SORCS2: variants seen among roughly 807,000 people sequenced by gnomAD.
The protein encoded by SORCS2 is sortilin related VPS10 domain containing receptor 2.
A neutral mutation model predicts 141.6 loss-of-function variants in SORCS2; 100 were observed. The ratio of observed to expected loss-of-function variants is 0.71; its 90% CI spans 0.60 to 0.83. The LOEUF (loss-of-function observed/expected upper bound fraction) is 0.83, where lower values mean the gene tolerates loss of function less well. Ranked by LOEUF, SORCS2 falls within the 40% of genes least tolerant of loss-of-function variation. SORCS2 has a pLI of 0.00. For missense variants in SORCS2, 1,646 were observed against 1,560.2 expected (o/e 1.05, Z -0.93); for synonymous variants, 789 against 676.9 (o/e 1.17, Z -2.57).
intron 3 of SORCS2, among the ~76,000 whole-genome samples, chr4:7,585,514 C>T (rs1052714561): frequency 3.9e-5 from 6 of 152,230 alleles, no homozygotes; most frequent in African/African-American, 1.4e-4. Context: ...GCTGAAACTG[C>T]AGAACAAATC....
intron 3 of SORCS2, among the ~76,000 whole-genome samples, chr4:7,549,332 G>T (rs547028920): frequency 1.3e-5 from 2 of 152,202 alleles, no homozygotes; most frequent in South Asian, 4.1e-4. Context: ...CTCCCAGCCT[G>T]CCTTTTCAAC....
At chr4:7,524,858 G>A (rs1305763477) in intron 2 of SORCS2, among the ~76,000 whole-genome samples, 1 of 152,008 alleles carries the variant, frequency 6.6e-6, no homozygotes, top group Non-Finnish European at 1.5e-5. Context: ...ACTCTTCCAA[G>A]AGTCCAAGCT....
intron 3 of SORCS2, among the ~76,000 whole-genome samples, chr4:7,557,310 T>C (rs566039061): frequency 8.8e-4 from 134 of 152,090 alleles, no homozygotes; most frequent in African/African-American, 3.0e-3. Flanking sequence ...CACGGGCAGA[T>C]TGGGGAGAGT....
chr4:7,487,665 G>A (rs1731074756), intron 2 of SORCS2, among the ~76,000 whole-genome samples: 2 of 152,212 alleles, frequency 1.3e-5, no homozygotes, highest in Non-Finnish European at 1.5e-5. Flanking sequence ...CTCACGTAGC[G>A]GTGATAGACG....
Position 7,447,286 on chromosome 4 carries a change from C to T in SORCS2, c.548+50931C>T, listed in dbSNP as rs73086376. The stretch of plus-strand genomic sequence containing the variant: ...GAGTGGATCATGTCATCCTGAGCAT[C>T]CCCTGCCTGTGTGAGCTGACTTCTG... On this transcript the variant is annotated intron_variant, in intron 2 of 26. Coordinates refer to ENST00000507866, the MANE Select transcript of SORCS2 (RefSeq NM_020777.3). 9.1e-3 allele frequency among the ~76,000 whole-genome samples: 1,387 copies of T among 152,238 alleles called. 20 individuals are homozygous for T. Among genetic ancestry groups the T allele is most frequent in the African/African-American group, 0.032 (1,334 of 41,528 alleles).
chr4:7,474,535 G>A (rs549966699), intron 2 of SORCS2, among the ~76,000 whole-genome samples: 1 of 152,322 alleles, frequency 6.6e-6, no homozygotes, highest in South Asian at 2.1e-4. Context: ...CCAGCAGGGG[G>A]CTCGGAGCAA....
intron 1 of SORCS2, among the ~76,000 whole-genome samples, chr4:7,314,923 C>T (rs1055829808): frequency 2.8e-4 from 43 of 151,368 alleles, no homozygotes; most frequent in Non-Finnish European, 5.3e-4. Context: ...CCTCTGCCTC[C>T]AGGGTTCAAG....
At chr4:7,496,638 G>C (rs770757675) in intron 2 of SORCS2, among the ~76,000 whole-genome samples, 46 of 152,120 alleles carry the variant, frequency 3.0e-4, no homozygotes, top group South Asian at 1.2e-3. Context: ...AGAAAGGAGA[G>C]TGGCCGGGAG....
chr4:7,463,076 TATC>T (rs968408255), intron 2 of SORCS2, among the ~76,000 whole-genome samples: 6 of 151,936 alleles, frequency 3.9e-5, no homozygotes, highest in Non-Finnish European at 7.4e-5. Context: ...GTGTTCTTGT[TATC>T]ATCCTCATTG....
chr4:7,443,127 T>G (rs1727781888), intron 2 of SORCS2, among the ~76,000 whole-genome samples: 1 of 152,228 alleles, frequency 6.6e-6, no homozygotes, highest in South Asian at 2.1e-4. Flanking sequence ...ACTAATTACA[T>G]CTGTAAAAAC....
chr4:7,544,354 T>C (rs1211447946), intron 3 of SORCS2, among the ~76,000 whole-genome samples: 1 of 152,172 alleles, frequency 6.6e-6, no homozygotes, highest in Non-Finnish European at 1.5e-5. Context: ...CCTTGTTGAT[T>C]AGGTGATGTG....
chr4:7,460,379 C>T (rs1729221388), intron 2 of SORCS2, among the ~76,000 whole-genome samples: 1 of 152,264 alleles, frequency 6.6e-6, no homozygotes, highest in Non-Finnish European at 1.5e-5. Context: ...CCCCTGCACA[C>T]TTCTAAGGTC....
At chr4:7,375,776 C>A (rs906226523) in intron 1 of SORCS2, among the ~76,000 whole-genome samples, 16 of 152,218 alleles carry the variant, frequency 1.1e-4, no homozygotes, top group African/African-American at 3.9e-4. Flanking sequence ...TGGCTGCCGG[C>A]ACTGTGTGTC....
At chr4:7,422,565 C>G (rs992387169) in intron 2 of SORCS2, among the ~76,000 whole-genome samples, 2 of 152,116 alleles carry the variant, frequency 1.3e-5, no homozygotes, top group African/African-American at 4.8e-5. Flanking sequence ...CCCAGGCCCC[C>G]TTGGTGCTCC....
At chr4:7,401,048 T>A (rs1228148410) in intron 2 of SORCS2, among the ~76,000 whole-genome samples, 1 of 150,792 alleles carries the variant, frequency 6.6e-6, no homozygotes, top group African/African-American at 2.4e-5. Flanking sequence ...GACGGACAGA[T>A]GGATGAATGG....
At chr4:7,267,407 C>T (rs1017752865) in intron 1 of SORCS2, among the ~76,000 whole-genome samples, 4 of 152,092 alleles carry the variant, frequency 2.6e-5, no homozygotes, top group South Asian at 2.1e-4. Flanking sequence ...TCGAGTAGGG[C>T]GTCTATTTCC....
chr4:7,381,091 A>T (rs532317047), intron 1 of SORCS2, among the ~76,000 whole-genome samples: 1 of 152,032 alleles, frequency 6.6e-6, no homozygotes, highest in African/African-American at 2.4e-5. Context: ...CCAAAAAAAA[A>T]AAAAAAAGGA....
At chr4:7,525,063 C>G (rs958127754) in intron 2 of SORCS2, among the ~76,000 whole-genome samples, 1 of 152,216 alleles carries the variant, frequency 6.6e-6, no homozygotes, top group Non-Finnish European at 1.5e-5. Flanking sequence ...GCCCACTGGG[C>G]GTTCTCCAGC....
chr4:7,680,274 G>C lies in SORCS2; in HGVS notation c.1342-2469G>C, dbSNP rs571539892. ...ACACTCACACTCATACTCACACACA[G>C]AGACACAGGCTCACACCCATGCACG... On this transcript the variant is annotated intron_variant, in intron 9 of 26. Coordinates refer to ENST00000507866, the MANE Select transcript of SORCS2 (RefSeq NM_020777.3). Among the ~76,000 whole-genome samples, 34 of 152,320 alleles carry C rather than the reference G, an allele frequency of 2.2e-4. No individual in the cohort carries two copies. The South Asian group carries it at 6.2e-3, about 28-fold the overall frequency.
Sources: gnomAD v4.1 joint callset for allele counts (sites outside exome capture counted in the v4.1 genomes callset) on GRCh38, gnomAD v4.1.1 for gene constraint, MANE v1.5 for transcripts, NCBI Gene and HGNC (gene_info 2026-07-23, HGNC 2026-07-21) for gene names.